The following SYCP2L variants were observed in gnomAD, a reference collection of about 807,000 sequenced individuals.
SYCP2L encodes the protein synaptonemal complex protein 2 like, also known as synaptonemal complex protein 2-like.
In SYCP2L, 98 loss-of-function variants were observed where a neutral mutation model predicts 125.8. The ratio of observed to expected loss-of-function variants is 0.78; its 90% confidence interval spans 0.66 to 0.92. The LOEUF (loss-of-function observed/expected upper bound fraction) is 0.92. Ranked by LOEUF, SYCP2L falls within the 40% of genes least tolerant of loss-of-function variation. SYCP2L has a pLI of 0.00. For missense variants in SYCP2L, 842 were observed against 936.4 expected (o/e 0.90, Z 1.32); for synonymous variants, 317 against 325.4 (o/e 0.97, Z 0.28).
At chr6:10,908,903 A>C (rs2113315046) in intron 10 of SYCP2L, among the ~76,000 whole-genome samples, 1 of 152,220 alleles carries the variant, frequency 6.6e-6, no homozygotes, top group South Asian at 2.1e-4. Flanking sequence ...GAGTGACCTC[A>C]TCTGTAAAAT....
rs1207547877 is a variant in SYCP2L, at chr6:10,907,591, T to TA, written c.732dup (p.Ser245IlefsTer4). ...CTGAAGCGCTGTGTAGACTGACGAT[T>TA]AAAAAATCAAGGGATGAACTTGTCC... On this transcript the variant is annotated frameshift_variant, in exon 10 of 30. Coordinates refer to ENST00000283141, the MANE Select transcript of SYCP2L (RefSeq NM_001040274.3). LOFTEE classifies it high-confidence loss of function. The TA allele has an allele frequency of 2.5e-6, 4 of 1,613,864 alleles. No homozygotes were observed. The highest frequency in any genetic ancestry group is 2.5e-6 in the Non-Finnish European group (3 of 1,179,926).
At chr6:10,919,856 A>G (rs1780761831) in intron 14 of SYCP2L, among the ~76,000 whole-genome samples, 1 of 152,006 alleles carries the variant, frequency 6.6e-6, no homozygotes, top group Non-Finnish European at 1.5e-5. Flanking sequence ...GGAAATGGGG[A>G]AAAGTCAGCA....
chr6:10,915,329 T>C (rs1320483709), intron 14 of SYCP2L, among the ~76,000 whole-genome samples: 1 of 152,216 alleles, frequency 6.6e-6, no homozygotes, highest in Non-Finnish European at 1.5e-5. Flanking sequence ...TCTTGTCTGA[T>C]TGCTCTGGCT....
At chr6:10,955,354 G>T in intron 24 of SYCP2L, 137 bp downstream of exon 24, 1 of 573,144 alleles carries the variant, frequency 1.7e-6, no homozygotes, top group African/African-American at 1.9e-5. Context: ...CTAAGCTTTT[G>T]TGCTTTTGGA....
chr6:10,931,368 G>T, intron 19 of SYCP2L, 72 bp from the exon 20 acceptor site: 1 of 1,462,056 alleles, frequency 6.8e-7, no homozygotes, highest in Non-Finnish European at 9.6e-7. Flanking sequence ...AGCATATTGG[G>T]AGACGGAGTA....
intron 21 of SYCP2L, among the ~76,000 whole-genome samples, chr6:10,937,307 CAA>C (rs1327524431): frequency 6.6e-6 from 1 of 152,024 alleles, no homozygotes; most frequent in East Asian, 1.9e-4. Context: ...GGAAAATTCA[CAA>C]ATACATGGAA....
Position 10,924,469 on chromosome 6 carries a change from G to A in SYCP2L, c.1073-27G>A, listed in dbSNP as rs180766034. ...ATAAAACATTGAAGTATGTTGCTAT[G>A]CATTGATATTCCATATTTTCTCTTA... On this transcript the variant is annotated intron_variant, in intron 14 of 29. Coordinates refer to ENST00000283141, the MANE Select transcript of SYCP2L (RefSeq NM_001040274.3). The A allele has an allele frequency of 1.4e-3, 2,073 of 1,522,956 alleles. 7 individuals carry two copies. The highest frequency in any genetic ancestry group is 1.3e-3 in the Non-Finnish European group (1,425 of 1,137,226). 94.3% of individuals were successfully genotyped at this position (1,522,956 alleles called of 1,614,324 possible).
intron 8 of SYCP2L, among the ~76,000 whole-genome samples, chr6:10,904,235 G>A (rs1461902187): frequency 1.3e-5 from 2 of 152,156 alleles, no homozygotes; most frequent in East Asian, 1.9e-4. Context: ...TCATTGTTGC[G>A]TAATTCTTGG....
chr6:10,954,284 A>T lies in SYCP2L; in HGVS notation c.1955-832A>T, dbSNP rs1157814320. Among the ~76,000 whole-genome samples, 1 of 152,152 alleles carries T rather than the reference A, an allele frequency of 6.6e-6. No homozygotes were observed. Among genetic ancestry groups the T allele is most frequent in the Non-Finnish European group, 1.5e-5 (1 of 68,018 alleles). On this transcript the variant is annotated intron_variant, in intron 23 of 29. Coordinates refer to ENST00000283141, the MANE Select transcript of SYCP2L (RefSeq NM_001040274.3). The surrounding 1 kb of genome is among the most constrained non-coding windows in gnomAD (Gnocchi z 4.8). ...AGTGGGGTTTGAAGTAAAGATGTCAAATACTTGGAGACACAAGTTGGCCGC... is the reference window on the plus strand; with the variant it reads ...AGTGGGGTTTGAAGTAAAGATGTCATATACTTGGAGACACAAGTTGGCCGC...
chr6:10,940,104 A>G (rs1274561913), intron 21 of SYCP2L, among the ~76,000 whole-genome samples: 1 of 152,208 alleles, frequency 6.6e-6, no homozygotes, highest in Admixed American at 6.5e-5. Context: ...ATCACTGATC[A>G]TTAGAGAAAT....
chr6:10,921,318 G>GCAGCA (rs2113339686), intron 14 of SYCP2L, among the ~76,000 whole-genome samples: 1 of 152,152 alleles, frequency 6.6e-6, no homozygotes, highest in South Asian at 2.1e-4. Context: ...CTTTGCTATT[G>GCAGCA]TGAATAGTGC....
intron 19 of SYCP2L, 125 bp downstream of exon 19, chr6:10,930,639 T>G: frequency 2.6e-6 from 3 of 1,147,138 alleles, no homozygotes; most frequent in Non-Finnish European, 3.6e-6. Flanking sequence ...CAGCTTTCCC[T>G]GCTACAGTTA....
chr6:10,890,404 A>G (rs1390633667), intron 1 of SYCP2L, among the ~76,000 whole-genome samples: 2 of 152,166 alleles, frequency 1.3e-5, no homozygotes, highest in Non-Finnish European at 2.9e-5. Flanking sequence ...CTGGGGTAAG[A>G]TAATATCTCA....
chr6:10,971,967 C>T (rs1346553708), intron 29 of SYCP2L, among the ~76,000 whole-genome samples: 3 of 152,122 alleles, frequency 2.0e-5, no homozygotes, highest in South Asian at 2.1e-4. Flanking sequence ...TAAGCCACTG[C>T]GCCCAGCCTA....
intron 1 of SYCP2L, among the ~76,000 whole-genome samples, 161 bp downstream of exon 1, chr6:10,887,296 A>T (rs1780090533): frequency 6.6e-6 from 1 of 152,204 alleles, no homozygotes; most frequent in Non-Finnish European, 1.5e-5. Flanking sequence ...CTCGGAGTGT[A>T]TTGGCAGCCT....
At chr6:10,944,029 A>T (rs1159910855) in intron 23 of SYCP2L, among the ~76,000 whole-genome samples, 1 of 152,228 alleles carries the variant, frequency 6.6e-6, no homozygotes, top group African/African-American at 2.4e-5. Flanking sequence ...CTCTCTCCTG[A>T]TACACAGGTT....
chr6:10,902,807 T>G, intron 7 of SYCP2L, 45 bp downstream of exon 7: 1 of 1,610,614 alleles, frequency 6.2e-7, no homozygotes, highest in Non-Finnish European at 8.5e-7. Context: ...TCCAGAAACC[T>G]AAAAGAAGAT....
At chr6:10,936,731 T>C (rs1781102167) in intron 21 of SYCP2L, among the ~76,000 whole-genome samples, 1 of 152,016 alleles carries the variant, frequency 6.6e-6, no homozygotes, top group South Asian at 2.1e-4. Flanking sequence ...AGATATAAAC[T>C]GAAAGTGAAG....
intron 21 of SYCP2L, 26 bp downstream of exon 21, chr6:10,935,213 T>C (rs747454357): frequency 8.1e-6 from 13 of 1,602,586 alleles, no homozygotes; most frequent in East Asian, 6.7e-5. Flanking sequence ...TTGACTTACA[T>C]AGGAAAAAAT....
Sources: gnomAD v4.1 joint callset for allele counts (sites outside exome capture counted in the v4.1 genomes callset) on GRCh38, gnomAD v4.1.1 for gene constraint, Gnocchi (gnomAD v3.1) non-coding constraint, MANE v1.5 for transcripts, NCBI Gene and HGNC (gene_info 2026-07-23, HGNC 2026-07-21) for gene names.